The following CRACD variants were observed in gnomAD, a reference collection of about 807,000 sequenced individuals.
CRACD encodes the protein capping protein inhibiting regulator of actin dynamics, also known as capping protein-inhibiting regulator of actin dynamics.
CRACD carries 56 observed loss-of-function variants against 106.8 expected under a neutral mutation model. The observed-to-expected ratio is 0.52, with a 90% CI of 0.42 to 0.66. The LOEUF (loss-of-function observed/expected upper bound fraction) is 0.66, where lower values mean the gene tolerates loss of function less well. Ranked by LOEUF, CRACD falls within the 30% of genes least tolerant of loss-of-function variation. The pLI is 0.00. For synonymous variants in CRACD, 754 were observed against 670.8 expected (o/e 1.12, Z -1.92); for missense variants, 1,730 against 1,623.2 (o/e 1.07, Z -1.13).
In CRACD at chr4:56,298,236, A is replaced by G. The variant is rs769868355; in HGVS notation, c.7A>G (p.Thr3Ala). The change falls in exon 4 of 11, where the codon ACC becomes GCC. Residue 3 changes from threonine (T) to alanine (A), a missense_variant. Physicochemically the swap from Thr to Ala is moderately conservative, Grantham distance 58. Coordinates refer to ENST00000682029, the MANE Select transcript of CRACD (RefSeq NM_001393381.1). MG[T>A]RAFSHDSIFI... ...CAGGTCCTTCAACTATTCTATGGGA[A>G]CCCGGGCATTTTCCCATGACAGTAT... 8.7e-6 allele frequency: 14 copies of G among 1,613,466 alleles called. 1 individual carries two copies. In the South Asian group the frequency reaches 1.5e-4, roughly 18 times the overall value.
At chr4:56,063,052 TAAGC>T (rs1732334756) in intron 1 of CRACD, among the ~76,000 whole-genome samples, 1 of 141,606 alleles carries the variant, frequency 7.1e-6, no homozygotes, top group African/African-American at 2.9e-5. Context: ...ATATAGAACT[TAAGC>T]AAGGAAGGAA....
At position 56,121,438 on chromosome 4, in the gene CRACD, G is replaced by C. The variant is rs186742626; in HGVS notation, c.-335-57846G>C. ...GGATATGCTGTTTACGAGGTCAGGA[G>C]TTTGAGACCAGCCTGGCCAACATGG... On this transcript the variant is annotated intron_variant, in intron 1 of 10. Transcript: ENST00000682029. 1.8e-3 allele frequency among the ~76,000 whole-genome samples: 267 copies of C among 152,306 alleles called. 4 individuals are homozygous for C. Among genetic ancestry groups the C allele is most frequent in the Non-Finnish European group, 4.9e-4 (33 of 68,028 alleles).
intron 2 of CRACD, among the ~76,000 whole-genome samples, chr4:56,181,128 G>A (rs903502292): frequency 2.6e-5 from 4 of 152,156 alleles, no homozygotes; most frequent in African/African-American, 9.7e-5. Context: ...TAATAAACAC[G>A]TTACTAGGAT....
chr4:56,181,494 A>C (rs1406457324), intron 2 of CRACD, among the ~76,000 whole-genome samples: 1 of 152,212 alleles, frequency 6.6e-6, no homozygotes, highest in African/African-American at 2.4e-5. Flanking sequence ...GCACACACAC[A>C]AAATACATAC....
At chr4:56,229,279 G>A (rs1326964833) in intron 2 of CRACD, among the ~76,000 whole-genome samples, 1 of 152,064 alleles carries the variant, frequency 6.6e-6, no homozygotes, top group Admixed American at 6.6e-5. Flanking sequence ...CTTATGAATG[G>A]GATTCATGCC....
intron 2 of CRACD, among the ~76,000 whole-genome samples, chr4:56,257,079 C>CTTTTTTTTTTTTTTTTTTTTTTTTTT: frequency 8.7e-6 from 1 of 114,510 alleles, no homozygotes; most frequent in Non-Finnish European, 1.8e-5. Context: ...TTTTGATGTT[C>CTTTTTTTTTTTTTTTTTTTTTTTTTT]TTTTTTTTTT....
intron 1 of CRACD, among the ~76,000 whole-genome samples, chr4:56,067,426 T>C (rs958273635): frequency 6.6e-6 from 1 of 152,230 alleles, no homozygotes; most frequent in African/African-American, 2.4e-5. Flanking sequence ...TCTGGATACC[T>C]GTCTCTAAAG....
chr4:56,116,550 C>G (rs898078286), intron 1 of CRACD, among the ~76,000 whole-genome samples: 1 of 152,106 alleles, frequency 6.6e-6, no homozygotes, highest in African/African-American at 2.4e-5. Context: ...TGTTCACAGG[C>G]CCTGGTGCAT....
chr4:56,231,570 C>T (rs11729425), intron 2 of CRACD, among the ~76,000 whole-genome samples: 29,570 of 152,032 alleles, frequency 0.19, 3,207 homozygotes, highest in Non-Finnish European at 0.24. Flanking sequence ...ATAGGAAGAA[C>T]GAGAAGCTAC....
intron 1 of CRACD, among the ~76,000 whole-genome samples, chr4:56,143,306 A>G (rs1485113221): frequency 6.6e-6 from 1 of 152,110 alleles, no homozygotes; most frequent in African/African-American, 2.4e-5. Context: ...GTTTAAGGGT[A>G]GATAATCGTG....
At chr4:56,095,005 A>T (rs1372096886) in intron 1 of CRACD, among the ~76,000 whole-genome samples, 1 of 152,208 alleles carries the variant, frequency 6.6e-6, no homozygotes, top group Non-Finnish European at 1.5e-5. Context: ...CAATACATTT[A>T]CATCCCTTCC....
chr4:56,157,955 ACT>A (rs1735818141), intron 1 of CRACD, among the ~76,000 whole-genome samples: 1 of 151,762 alleles, frequency 6.6e-6, no homozygotes, highest in African/African-American at 2.4e-5. Context: ...TTGAATTTCT[ACT>A]CTCATTTAAA....
At chr4:56,144,295 A>G (rs1289464138) in intron 1 of CRACD, among the ~76,000 whole-genome samples, 2 of 152,176 alleles carry the variant, frequency 1.3e-5, no homozygotes, top group African/African-American at 4.8e-5. Flanking sequence ...ATTTTCTTCC[A>G]AAATTAAGGA....
intron 2 of CRACD, among the ~76,000 whole-genome samples, chr4:56,255,337 C>T (rs758937369): frequency 3.3e-4 from 50 of 152,228 alleles, no homozygotes; most frequent in Admixed American, 2.2e-3. Flanking sequence ...CCTCAATAAA[C>T]ACTCTTTTCT....
At chr4:56,275,107 C>G (rs189866990) in intron 3 of CRACD, among the ~76,000 whole-genome samples, 2 of 152,182 alleles carry the variant, frequency 1.3e-5, no homozygotes, top group Non-Finnish European at 2.9e-5. Flanking sequence ...AAGACGGTAA[C>G]AACAGACACT....
chr4:56,103,119 G>GGAATGAAT (rs538517874), intron 1 of CRACD, among the ~76,000 whole-genome samples: 127 of 152,178 alleles, frequency 8.3e-4, no homozygotes, highest in Admixed American at 1.6e-3. Flanking sequence ...AAATATTTGT[G>GGAATGAAT]GAATGAATGA....
At chr4:56,087,279 C>T (rs1414281847) in intron 1 of CRACD, among the ~76,000 whole-genome samples, 1 of 152,178 alleles carries the variant, frequency 6.6e-6, no homozygotes, top group Non-Finnish European at 1.5e-5. Context: ...TCCCAAAGTG[C>T]TGGGATTACA....
intron 2 of CRACD, among the ~76,000 whole-genome samples, chr4:56,212,473 C>T (rs1560485542): frequency 6.6e-6 from 1 of 152,220 alleles, no homozygotes; most frequent in Admixed American, 6.5e-5. Context: ...TTTCACTTTA[C>T]TCTGTGGACG....
At chr4:56,324,367 C>A in intron 10 of CRACD, 101 bp downstream of exon 10, 1 of 1,090,796 alleles carries the variant, frequency 9.2e-7, no homozygotes, top group Non-Finnish European at 1.3e-6. Context: ...GCACCTCAGG[C>A]ATTTCAAAGC....
Sources: gnomAD v4.1 joint callset for allele counts (sites outside exome capture counted in the v4.1 genomes callset) on GRCh38, gnomAD v4.1.1 for gene constraint, MANE v1.5 for transcripts, NCBI Gene and HGNC (gene_info 2026-07-23, HGNC 2026-07-21) for gene names.